B3GALT5: variants seen among roughly 807,000 people sequenced by gnomAD.
B3GALT5 encodes UDP-Gal:betaGlcNAc beta 1,3-galactosyltransferase, polypeptide 5.
For missense variants in B3GALT5, 328 were observed against 396.6 expected, an observed-to-expected ratio of 0.83 and a Z score of 1.47; for synonymous variants, 156 against 158.6, an observed-to-expected ratio of 0.98 and a Z score of 0.12.
intron 1 of B3GALT5, among the ~76,000 whole-genome samples, chr21:39,639,783 C>T (rs984303323): frequency 2.6e-5 from 4 of 151,960 alleles, no homozygotes; most frequent in African/African-American, 9.7e-5. Flanking sequence ...CAGCCCAGCA[C>T]GCATCTGGCA....
chr21:39,615,415 G>A (rs946822667), intron 1 of B3GALT5, among the ~76,000 whole-genome samples: 1 of 152,182 alleles, frequency 6.6e-6, no homozygotes, highest in African/African-American at 2.4e-5. Flanking sequence ...GTATCGTGCA[G>A]GTGCAGTGAG....
intron 2 of B3GALT5, among the ~76,000 whole-genome samples, chr21:39,655,236 A>T (rs746014045): frequency 1.3e-5 from 2 of 152,254 alleles, no homozygotes; most frequent in Non-Finnish European, 2.9e-5. Context: ...AAAAGACTGA[A>T]GGCCCAGCTC....
At chr21:39,634,362 G>A (rs926694869) in intron 1 of B3GALT5, among the ~76,000 whole-genome samples, 1 of 152,124 alleles carries the variant, frequency 6.6e-6, no homozygotes, top group African/African-American at 2.4e-5. Flanking sequence ...GTCCCGATCC[G>A]ACTTCAGAGG....
At chr21:39,647,147 G>C (rs2079348403) in intron 2 of B3GALT5, among the ~76,000 whole-genome samples, 1 of 152,156 alleles carries the variant, frequency 6.6e-6, no homozygotes, top group African/African-American at 2.4e-5. Flanking sequence ...AGCTGAAAGG[G>C]AACAAGGATG....
rs1446194783 is a variant in B3GALT5, at chr21:39,613,473, C to G, written c.-392+406C>G. ...TGAAGCACCCTGCGGCAGGCAGCTT[C>G]TGCATCGTGGGGGTTGTGGAAGGGG... is the stretch of plus-strand genomic sequence containing the variant. On this transcript the variant is annotated intron_variant, in intron 1 of 3. Transcript: ENST00000684187. Among the ~76,000 whole-genome samples, 4 of 152,288 alleles carry G rather than the reference C, an allele frequency of 2.6e-5. 1 individual carries two copies. The South Asian group carries it at 8.3e-4, about 32-fold the overall frequency.
intron 1 of B3GALT5, among the ~76,000 whole-genome samples, chr21:39,645,692 G>C (rs569001072): frequency 2.6e-5 from 4 of 152,076 alleles, no homozygotes; most frequent in Non-Finnish European, 4.4e-5. Context: ...AGGCAAATTG[G>C]GGGGAGTCAT....
intron 1 of B3GALT5, among the ~76,000 whole-genome samples, chr21:39,628,093 A>G (rs1314378180): frequency 6.6e-6 from 1 of 152,248 alleles, no homozygotes; most frequent in Non-Finnish European, 1.5e-5. Flanking sequence ...GGGAGAAATT[A>G]CGTGTGCAAT....
intron 1 of B3GALT5, chr21:39,630,174 C>T (rs1240617826): frequency 1.3e-5 from 2 of 152,130 alleles, no homozygotes; most frequent in Non-Finnish European, 2.9e-5. Context: ...TCCAACAAAC[C>T]CATCAATGTT....
intron 2 of B3GALT5, among the ~76,000 whole-genome samples, chr21:39,653,902 T>A (rs2146211120): frequency 6.6e-6 from 1 of 152,328 alleles, no homozygotes; most frequent in Non-Finnish European, 1.5e-5. Context: ...ATTACTCCAC[T>A]CCCTTATTAT....
chr21:39,645,727 T>C (rs1296410299), intron 1 of B3GALT5, among the ~76,000 whole-genome samples: 1 of 152,174 alleles, frequency 6.6e-6, no homozygotes, highest in Non-Finnish European at 1.5e-5. Flanking sequence ...AGAGACCTGT[T>C]GTCCCTGTTC....
chr21:39,620,915 A>G (rs981807050), intron 1 of B3GALT5, among the ~76,000 whole-genome samples: 1 of 152,152 alleles, frequency 6.6e-6, no homozygotes, highest in African/African-American at 2.4e-5. Flanking sequence ...TATTTCTTAT[A>G]TACATCTTTT....
chr21:39,621,300 CTT>C (rs1163617852), intron 1 of B3GALT5, among the ~76,000 whole-genome samples: 1 of 152,072 alleles, frequency 6.6e-6, no homozygotes, highest in Non-Finnish European at 1.5e-5. Flanking sequence ...TAATCATAGA[CTT>C]TTTCTTCCTT....
chr21:39,660,414 T>C (rs1414783490), intron 3 of B3GALT5, 146 bp from the exon 4 acceptor site: 2 of 566,556 alleles, frequency 3.5e-6, no homozygotes, highest in African/African-American at 3.8e-5. Flanking sequence ...CTTAACTGTT[T>C]AACCACACAG....
chr21:39,626,338 G>A (rs771503555), intron 1 of B3GALT5, among the ~76,000 whole-genome samples: 1 of 152,166 alleles, frequency 6.6e-6, no homozygotes, highest in African/African-American at 2.4e-5. Flanking sequence ...ACCAGTGAAC[G>A]CTCGGGTTGT....
At chr21:39,642,873 C>CG (rs1298451230) in intron 1 of B3GALT5, among the ~76,000 whole-genome samples, 2 of 100,098 alleles carry the variant, frequency 2.0e-5, no homozygotes, top group African/African-American at 6.7e-5. Flanking sequence ...CCCATTGCCA[C>CG]AAAAAAAAAA....
intron 2 of B3GALT5, among the ~76,000 whole-genome samples, chr21:39,648,969 A>C (rs559806498): frequency 1.2e-4 from 19 of 152,238 alleles, no homozygotes; most frequent in Non-Finnish European, 2.2e-4. Context: ...TCCTGTCTCC[A>C]GTACCATGAG....
chr21:39,645,122 A>G (rs1422210757), intron 1 of B3GALT5, among the ~76,000 whole-genome samples: 2 of 152,120 alleles, frequency 1.3e-5, no homozygotes, highest in East Asian at 1.9e-4. Flanking sequence ...GCTGGCCTGT[A>G]TCTACTCACC....
At chr21:39,619,464 C>T (rs930150323) in intron 1 of B3GALT5, among the ~76,000 whole-genome samples, 9 of 152,010 alleles carry the variant, frequency 5.9e-5, no homozygotes, top group African/African-American at 1.2e-4. Context: ...GACACAATTC[C>T]GTCCATAGCA....
At chr21:39,654,364 G>C (rs1285370974) in intron 2 of B3GALT5, among the ~76,000 whole-genome samples, 1 of 152,190 alleles carries the variant, frequency 6.6e-6, no homozygotes, top group African/African-American at 2.4e-5. Flanking sequence ...TTACAGGGAT[G>C]AGCCACCATG....
Sources: gnomAD v4.1 joint callset for allele counts (sites outside exome capture counted in the v4.1 genomes callset) on GRCh38, gnomAD v4.1.1 for gene constraint, MANE v1.5 for transcripts, NCBI Gene and HGNC (gene_info 2026-07-23, HGNC 2026-07-21) for gene names.